MBD2: variants seen among roughly 807,000 people sequenced by gnomAD.
MBD2 encodes the protein methyl-CpG-binding domain protein 2.
Under a neutral mutation model 39.3 loss-of-function variants are expected in MBD2, and 9 were observed. That is an observed-to-expected ratio of 0.23 (90% confidence interval 0.14 to 0.40). The LOEUF (loss-of-function observed/expected upper bound fraction) is 0.40, where lower values mean the gene tolerates loss of function less well. Ranked by LOEUF, MBD2 falls within the 10% of genes least tolerant of loss-of-function variation. The pLI is 1.00. For synonymous variants in MBD2, 233 were observed against 211.1 expected (o/e 1.10, Z -0.90); for missense variants, 458 against 532.6 (o/e 0.86, Z 1.38).
At chr18:54,173,362 C>T (rs1322348056) in intron 3 of MBD2, among the ~76,000 whole-genome samples, 1 of 152,134 alleles carries the variant, frequency 6.6e-6, no homozygotes, top group Non-Finnish European at 1.5e-5. Context: ...TTAAACCAGG[C>T]ATGGCCCTTC....
At chr18:54,184,508 G>T (rs1325232538) in intron 3 of MBD2, among the ~76,000 whole-genome samples, 1 of 152,076 alleles carries the variant, frequency 6.6e-6, no homozygotes, top group African/African-American at 2.4e-5. Flanking sequence ...TGCTATAGAA[G>T]GTAAGCTGAA....
rs1029677911 is a variant in MBD2 at position 54,151,918 on chromosome 18, A to T, written c.*3406T>A. On this transcript the variant is annotated 3_prime_UTR_variant, in exon 7 of 7. Coordinates refer to ENST00000256429, the MANE Select transcript of MBD2 (RefSeq NM_003927.5). ...CAGCTTCTAACACTTTTCCAACTGC[A>T]TGACTCTTGTTCATTCACAGATTCA... 6.6e-6 allele frequency: 1 copy of T among 151,774 alleles called. No individual in the cohort carries two copies. The highest frequency in any genetic ancestry group is 2.4e-5 in the African/African-American group (1 of 41,330). The allele number at this position is 151,774 out of a possible 1,614,324, so 9.4% of individuals were successfully genotyped here.
At chr18:54,220,609 G>A (rs1325719390) in intron 1 of MBD2, among the ~76,000 whole-genome samples, 5 of 152,194 alleles carry the variant, frequency 3.3e-5, no homozygotes, top group Admixed American at 1.3e-4. Flanking sequence ...GAATCTGTGT[G>A]AACAATTGGG....
chr18:54,220,581 C>G (rs991420029), intron 1 of MBD2, among the ~76,000 whole-genome samples: 16 of 152,270 alleles, frequency 1.1e-4, no homozygotes, highest in Non-Finnish European at 2.2e-4. Flanking sequence ...CAGGCTAATT[C>G]AAGGGTTAGT....
At chr18:54,165,008 C>G (rs573424911) in intron 4 of MBD2, among the ~76,000 whole-genome samples, 1 of 152,198 alleles carries the variant, frequency 6.6e-6, no homozygotes, top group Non-Finnish European at 1.5e-5. Flanking sequence ...AATGCATTTT[C>G]CAAGGTACTA....
intron 2 of MBD2, among the ~76,000 whole-genome samples, chr18:54,200,649 T>C (rs529382227): frequency 1.3e-5 from 2 of 152,300 alleles, no homozygotes; most frequent in East Asian, 3.9e-4. Context: ...CTAAACAATA[T>C]TTAGCTTTTG....
intron 3 of MBD2, among the ~76,000 whole-genome samples, chr18:54,177,626 G>A (rs879445672): frequency 2.5e-4 from 38 of 151,708 alleles, no homozygotes; most frequent in East Asian, 2.4e-3. Context: ...GACTACAGGC[G>A]CCCGCCACCA....
intron 3 of MBD2, among the ~76,000 whole-genome samples, chr18:54,188,192 C>A (rs1325455292): frequency 6.6e-6 from 1 of 152,082 alleles, no homozygotes; most frequent in East Asian, 1.9e-4. Flanking sequence ...TTTTTGACCA[C>A]AATTAGGGAG....
At chr18:54,223,912 T>G (rs2086635804) in intron 1 of MBD2, 106 bp downstream of exon 1, 1 of 962,244 alleles carries the variant, frequency 1.0e-6, no homozygotes, top group Non-Finnish European at 1.5e-6. Flanking sequence ...AGCCTGTCCC[T>G]GCCACATGCC....
chr18:54,221,573 G>C (rs763925042), intron 1 of MBD2, among the ~76,000 whole-genome samples: 5 of 151,766 alleles, frequency 3.3e-5, no homozygotes, highest in Non-Finnish European at 5.9e-5. Flanking sequence ...TCAGGAGTTC[G>C]ACACCAGCCT....
At chr18:54,168,588 T>C (rs1231544213) in intron 3 of MBD2, among the ~76,000 whole-genome samples, 5 of 139,802 alleles carry the variant, frequency 3.6e-5, no homozygotes, top group Non-Finnish European at 6.1e-5. Flanking sequence ...TATATATATA[T>C]ATATATATAT....
At chr18:54,156,899 C>G (rs557703481) in intron 6 of MBD2, among the ~76,000 whole-genome samples, 1 of 152,028 alleles carries the variant, frequency 6.6e-6, no homozygotes, top group East Asian at 1.9e-4. Flanking sequence ...AGTAAAACCT[C>G]AATTAGGTGA....
intron 5 of MBD2, among the ~76,000 whole-genome samples, chr18:54,161,206 T>C (rs558258987): frequency 2.0e-5 from 3 of 152,294 alleles, no homozygotes; most frequent in Admixed American, 6.5e-5. Context: ...AGGTAACATA[T>C]ATGTACTGCT....
intron 2 of MBD2, among the ~76,000 whole-genome samples, chr18:54,190,128 G>A (rs2144312124): frequency 6.6e-6 from 1 of 152,140 alleles, no homozygotes; most frequent in East Asian, 1.9e-4. Flanking sequence ...ACAAATGGTA[G>A]TTCTAATTCC....
chr18:54,174,483 G>A (rs2144293773), intron 3 of MBD2, among the ~76,000 whole-genome samples: 1 of 152,240 alleles, frequency 6.6e-6, no homozygotes, highest in South Asian at 2.1e-4. Flanking sequence ...CAATCTAAAT[G>A]GCTTGGAGGT....
chr18:54,204,451 A>G (rs544602955), intron 2 of MBD2, among the ~76,000 whole-genome samples: 1 of 152,362 alleles, frequency 6.6e-6, no homozygotes, highest in South Asian at 2.1e-4. Context: ...ATCATAATTC[A>G]AATGAGATTT....
At chr18:54,164,416 C>A in intron 5 of MBD2, 107 bp downstream of exon 5, 1 of 943,100 alleles carries the variant, frequency 1.1e-6, no homozygotes, top group Non-Finnish European at 1.6e-6. Flanking sequence ...GTATAACTTT[C>A]TAGGTGATAT....
At chr18:54,159,942 C>T in intron 5 of MBD2, 39 bp from the exon 6 acceptor site, 1 of 1,600,890 alleles carries the variant, frequency 6.2e-7, no homozygotes. Flanking sequence ...GAGAATTTGG[C>T]AAGTAATGAC....
intron 3 of MBD2, among the ~76,000 whole-genome samples, chr18:54,177,179 A>G (rs533593390): frequency 1.3e-5 from 2 of 152,374 alleles, no homozygotes; most frequent in South Asian, 4.1e-4. Context: ...ATAGGAACTT[A>G]GATGTGCTCC....
Sources: gnomAD v4.1 joint callset for allele counts (sites outside exome capture counted in the v4.1 genomes callset) on GRCh38, gnomAD v4.1.1 for gene constraint, MANE v1.5 for transcripts, NCBI Gene and HGNC (gene_info 2026-07-23, HGNC 2026-07-21) for gene names.